Variants in ZNF536 observed in about 807,000 individuals in gnomAD.
ZNF536 encodes zinc finger protein 536.
Under a neutral mutation model 84.5 loss-of-function variants are expected in ZNF536, and 13 were observed. The observed-to-expected ratio is 0.15, with a 90% confidence interval of 0.10 to 0.24. The LOEUF (loss-of-function observed/expected upper bound fraction) is 0.24, where lower values mean the gene tolerates loss of function less well. Ranked by LOEUF, ZNF536 falls within the 10% of genes least tolerant of loss-of-function variation. The pLI, the probability that ZNF536 is intolerant of heterozygous loss-of-function variation, is 1.00. For missense variants in ZNF536, 1,536 were observed against 1,747.5 expected (o/e 0.88, Z 2.16); for synonymous variants, 811 against 742.5 (o/e 1.09, Z -1.50).
chr19:30,436,013 A>G (rs1422781452), intron 1 of ZNF536, among the ~76,000 whole-genome samples: 1 of 152,122 alleles, frequency 6.6e-6, no homozygotes, highest in Non-Finnish European at 1.5e-5. Flanking sequence ...GAAGACATTC[A>G]AATTCTTTTC....
rs186184491 is a variant in ZNF536 at position 30,703,016 on chromosome 19, G to A, written c.170-7741G>A. On this transcript the variant is annotated intron_variant, in intron 1 of 1. Coordinates refer to the ZNF536 transcript ENST00000592773. ...CTAGCAGCCAGACTGAGGAAGAGGC[G>A]TGTGCTGGGATGTGTGTCACAGCCA... Among the ~76,000 whole-genome samples the A allele has an allele frequency of 2.9e-3, 437 of 152,276 alleles. 1 individual carries two copies. Among genetic ancestry groups the A allele is most frequent in the African/African-American group, 9.9e-3 (411 of 41,560 alleles).
intron 1 of ZNF536, among the ~76,000 whole-genome samples, chr19:30,240,742 G>A (rs2023884808): frequency 1.3e-5 from 2 of 152,226 alleles, no homozygotes; most frequent in African/African-American, 4.8e-5. Context: ...TGAAGGGTAT[G>A]AGGTACTTAG....
chr19:30,451,366 T>G (rs1290374140), intron 2 of ZNF536, among the ~76,000 whole-genome samples: 1 of 152,218 alleles, frequency 6.6e-6, no homozygotes, highest in Non-Finnish European at 1.5e-5. Flanking sequence ...TTTTATAAAC[T>G]TCCCATTCAC....
At position 30,620,159 on chromosome 19, in the gene ZNF536, T is replaced by G. The variant is rs58371560; in HGVS notation, c.169+70645T>G. Among the ~76,000 whole-genome samples the G allele has an allele frequency of 1.5e-4, 22 of 151,100 alleles. No homozygotes were observed. In the South Asian group the frequency reaches 1.5e-3, roughly 10 times the overall value. On this transcript the variant is annotated intron_variant, in intron 1 of 1. Transcript: ENST00000592773. ...CAGACTCTTAAGGTACAATAGGGAG[T>G]GGTGGGGACTGTGGAAAACTGGAGA...
At chr19:30,349,451 A>G (rs2047859776) in intron 2 of ZNF536, among the ~76,000 whole-genome samples, 1 of 152,120 alleles carries the variant, frequency 6.6e-6, no homozygotes, top group Non-Finnish European at 1.5e-5. Context: ...GTCCTTCCCC[A>G]TGCATTCAGA....
intron 1 of ZNF536, among the ~76,000 whole-genome samples, chr19:30,234,397 CTTTTT>C (rs5827694): frequency 1.2e-5 from 1 of 82,394 alleles, no homozygotes; most frequent in African/African-American, 5.1e-5. Context: ...AGGCTCCTTC[CTTTTT>C]TTTTTTTTTT....
At chr19:30,675,390 G>A (rs1170510765) in intron 1 of ZNF536, among the ~76,000 whole-genome samples, 2 of 152,206 alleles carry the variant, frequency 1.3e-5, no homozygotes, top group South Asian at 2.1e-4. Context: ...AGAGACAGGT[G>A]AGAAAGGACG....
At chr19:30,620,001 C>A (rs2048424888) in intron 1 of ZNF536, among the ~76,000 whole-genome samples, 1 of 147,278 alleles carries the variant, frequency 6.8e-6, no homozygotes, top group Non-Finnish European at 1.5e-5. Context: ...GCCCCACCAT[C>A]TCCCTTTTCT....
intron 1 of ZNF536, among the ~76,000 whole-genome samples, chr19:30,627,909 G>A (rs943139825): frequency 1.3e-5 from 2 of 152,162 alleles, no homozygotes; most frequent in African/African-American, 4.8e-5. Flanking sequence ...TATGACCCAC[G>A]GCCTCCCAGG....
At chr19:30,388,641 C>G (rs1332124891) in intron 1 of ZNF536, among the ~76,000 whole-genome samples, 1 of 152,226 alleles carries the variant, frequency 6.6e-6, no homozygotes, top group African/African-American at 2.4e-5. Context: ...TGTTGTAGGT[C>G]TAAACCCTCA....
intron 2 of ZNF536, among the ~76,000 whole-genome samples, chr19:30,464,394 T>C (rs992805878): frequency 1.3e-5 from 2 of 152,190 alleles, no homozygotes; most frequent in Non-Finnish European, 2.9e-5. Flanking sequence ...AATCAGCTTT[T>C]CCTGACCTCT....
chr19:30,255,529 G>T (rs532675837), intron 1 of ZNF536, among the ~76,000 whole-genome samples: 28 of 152,184 alleles, frequency 1.8e-4, no homozygotes, highest in Non-Finnish European at 3.1e-4. Context: ...AAACAGGAAG[G>T]TTTTCCAGAA....
chr19:30,257,888 A>ACTTCACTGAAC (rs1422884432), intron 1 of ZNF536, among the ~76,000 whole-genome samples: 1 of 152,228 alleles, frequency 6.6e-6, no homozygotes, highest in Non-Finnish European at 1.5e-5. Flanking sequence ...CACTGAAGTT[A>ACTTCACTGAAC]AGTGAAGGTA....
At chr19:30,678,370 G>A (rs955445710) in intron 1 of ZNF536, among the ~76,000 whole-genome samples, 3 of 152,138 alleles carry the variant, frequency 2.0e-5, no homozygotes, top group Admixed American at 6.5e-5. Context: ...CCTGGATATC[G>A]GTGAGAGGCT....
chr19:30,619,015 C>T (rs565697841), intron 1 of ZNF536, among the ~76,000 whole-genome samples: 5 of 152,248 alleles, frequency 3.3e-5, no homozygotes, highest in Non-Finnish European at 7.4e-5. Flanking sequence ...AGTTTTATTA[C>T]ATGAATATGC....
chr19:30,484,607 G>T (rs1026164272), intron 2 of ZNF536, among the ~76,000 whole-genome samples: 2 of 151,326 alleles, frequency 1.3e-5, no homozygotes, highest in Non-Finnish European at 2.9e-5. Flanking sequence ...GCCCATCTCT[G>T]TGCAGGACCC....
intron 2 of ZNF536, among the ~76,000 whole-genome samples, chr19:30,482,329 G>T (rs2054123693): frequency 6.6e-6 from 1 of 152,150 alleles, no homozygotes; most frequent in Admixed American, 6.5e-5. Flanking sequence ...ATTTTATCCT[G>T]CAGTAGAAAA....
intron 1 of ZNF536, among the ~76,000 whole-genome samples, chr19:30,229,283 G>A (rs901900573): frequency 5.3e-5 from 8 of 151,794 alleles, no homozygotes; most frequent in African/African-American, 1.9e-4. Context: ...CTAAAGACAG[G>A]GTCACCGAGA....
intron 1 of ZNF536, among the ~76,000 whole-genome samples, chr19:30,649,549 C>CTTTTT (rs35137042): frequency 4.2e-4 from 52 of 123,870 alleles, no homozygotes; most frequent in African/African-American, 1.5e-3. Context: ...CAGCATTTTC[C>CTTTTT]TTTTTTTTTT....
Sources: allele counts gnomAD v4.1 joint callset (sites outside exome capture counted in the v4.1 genomes callset), GRCh38; gene constraint gnomAD v4.1.1; transcripts MANE v1.5; gene names NCBI Gene and HGNC (gene_info 2026-07-23, HGNC 2026-07-21).